Variants in ADGRL2 observed in about 807,000 individuals in gnomAD.
ADGRL2 encodes calcium-independent alpha-latrotoxin receptor 2.
A neutral mutation model predicts 157.4 loss-of-function variants in ADGRL2; 44 were observed. The ratio of observed to expected loss-of-function variants is 0.28; its 90% CI spans 0.22 to 0.36. The LOEUF (loss-of-function observed/expected upper bound fraction) is 0.36, where lower values mean the gene tolerates loss of function less well. ADGRL2 is among the 10% of genes least tolerant of loss of function. ADGRL2 has a pLI of 1.00. For missense variants in ADGRL2, 1,510 were observed against 1,768.9 expected (o/e 0.85, Z 2.63); for synonymous variants, 585 against 624.7 (o/e 0.94, Z 0.95).
At chr1:81,404,001 G>T (rs12140942) in intron 1 of ADGRL2, among the ~76,000 whole-genome samples, 63,615 of 151,296 alleles carry the variant, frequency 0.42, 14,660 homozygotes, top group East Asian at 0.6. Flanking sequence ...TTTTGCCATG[G>T]TGGCCAGGTT....
chr1:81,916,327 T>G (rs1202706277), intron 3 of ADGRL2, among the ~76,000 whole-genome samples: 1 of 152,148 alleles, frequency 6.6e-6, no homozygotes, highest in African/African-American at 2.4e-5. Flanking sequence ...ATATAAAAAT[T>G]TTGCTTACAA....
chr1:81,789,706 A>G (rs922366844), intron 2 of ADGRL2, among the ~76,000 whole-genome samples: 1 of 151,102 alleles, frequency 6.6e-6, no homozygotes, highest in Non-Finnish European at 1.5e-5. Context: ...CGTCTCAAAA[A>G]AAAAAAAAAA....
At chr1:81,780,553 T>C (rs1422700297) in intron 2 of ADGRL2, among the ~76,000 whole-genome samples, 1 of 152,190 alleles carries the variant, frequency 6.6e-6, no homozygotes, top group Non-Finnish European at 1.5e-5. Flanking sequence ...GACTGCAAGA[T>C]AGGGTTCTTT....
In ADGRL2 at chr1:81,746,955, T is replaced by TACAC. The variant is rs1557615439; in HGVS notation, c.-142-14854_-142-14853insACAC. Among the ~76,000 whole-genome samples the TACAC allele has an allele frequency of 5.4e-5, 8 of 147,370 alleles. No homozygotes were observed. The East Asian group carries it at 1.6e-3, about 29-fold the overall frequency. ...ACACACGTATACACATGTATGTATA[T>TACAC]ACGTATATACACACGTATACACACG... On this transcript the variant is annotated intron_variant, in intron 1 of 20. Coordinates refer to the ADGRL2 transcript ENST00000359929.
At chr1:81,393,355 G>GGAA (rs2076593993) in intron 1 of ADGRL2, among the ~76,000 whole-genome samples, 1 of 121,248 alleles carries the variant, frequency 8.2e-6, no homozygotes, top group South Asian at 2.5e-4. Context: ...CATGCCCCAG[G>GGAA]GAAAAAAAAA....
intron 1 of ADGRL2, among the ~76,000 whole-genome samples, chr1:81,382,184 CT>C (rs2076355314): frequency 6.6e-6 from 1 of 152,122 alleles, no homozygotes; most frequent in Non-Finnish European, 1.5e-5. Context: ...GGGAGTTAGT[CT>C]GTTGTTCACT....
At chr1:81,978,916 CT>C (rs1040698543) in intron 17 of ADGRL2, among the ~76,000 whole-genome samples, 3 of 151,364 alleles carry the variant, frequency 2.0e-5, no homozygotes, top group African/African-American at 7.3e-5. Flanking sequence ...CACAAAATGA[CT>C]TTTTTTTCCT....
Position 81,570,454 on chromosome 1 carries a change from T to C in ADGRL2, c.-247-10422T>C, listed in dbSNP as rs1487398567. ...AGGCTGGAGTGGTGCAGTGGCATGA[T>C]CTCTGATCACTGCAACCGCTGCCTC... On this transcript the variant is annotated intron_variant, in intron 2 of 24. Coordinates refer to the ADGRL2 transcript ENST00000370721. Among the ~76,000 whole-genome samples the C allele has an allele frequency of 3.3e-5, 5 of 152,322 alleles. No homozygotes were observed. In the East Asian group the frequency reaches 9.7e-4, roughly 29 times the overall value.
rs190395990 is a variant in ADGRL2, at chr1:81,742,660, G to T, written c.-142-19151G>T. 2.4e-3 allele frequency among the ~76,000 whole-genome samples: 360 copies of T among 152,152 alleles called. 1 individual carries two copies. The highest frequency in any genetic ancestry group is 8.3e-3 in the African/African-American group (343 of 41,554). ...ACTCCAGAAAAGAGACATTTTTCCT[G>T]TTGTGATTGTTATTATCATTCCAGC... On this transcript the variant is annotated intron_variant, in intron 1 of 20. Coordinates refer to the ADGRL2 transcript ENST00000359929.
chr1:81,693,283 C>T lies in ADGRL2; in HGVS notation c.-142-68528C>T, dbSNP rs1186273556. On this transcript the variant is annotated intron_variant, in intron 3 of 24. Coordinates refer to the ADGRL2 transcript ENST00000370721. ...TCCCGTCTCCCGACTAAACCTGAGT[C>T]CTAGTGCTCCACTTAAAGTTCCCCT... 2.0e-5 allele frequency among the ~76,000 whole-genome samples: 3 copies of T among 152,314 alleles called. No homozygotes were observed. The East Asian group carries it at 5.8e-4, about 29-fold the overall frequency.
intron 3 of ADGRL2, among the ~76,000 whole-genome samples, chr1:81,910,276 C>A (rs895058226): frequency 4.3e-3 from 412 of 96,246 alleles, no homozygotes; most frequent in East Asian, 0.02. Context: ...AATAATAATA[C>A]TACAATTGAG....
intron 1 of ADGRL2, among the ~76,000 whole-genome samples, chr1:81,421,089 C>T (rs956226489): frequency 6.6e-6 from 1 of 152,144 alleles, no homozygotes; most frequent in Admixed American, 6.5e-5. Context: ...CACAGTGGAA[C>T]TAAAGCTCAA....
chr1:81,350,133 TGATTTTA>T (rs1241114979), intron 1 of ADGRL2, among the ~76,000 whole-genome samples: 2 of 152,168 alleles, frequency 1.3e-5, no homozygotes, highest in Non-Finnish European at 2.9e-5. Flanking sequence ...GAGTTGATTG[TGATTTTA>T]GGGATGAATT....
intron 1 of ADGRL2, among the ~76,000 whole-genome samples, chr1:81,714,851 G>GT (rs35230661): frequency 0.1 from 15,213 of 145,134 alleles, 818 homozygotes; most frequent in South Asian, 0.2. Flanking sequence ...GGCATGTTTT[G>GT]TTTTTTTTTT....
intron 3 of ADGRL2, among the ~76,000 whole-genome samples, chr1:81,691,023 A>G (rs1291170618): frequency 2.0e-5 from 3 of 152,194 alleles, no homozygotes; most frequent in East Asian, 1.9e-4. Context: ...AATTTATGAG[A>G]TTCGTATGAG....
chr1:81,905,118 T>C (rs1418340839), intron 2 of ADGRL2, among the ~76,000 whole-genome samples: 2 of 151,382 alleles, frequency 1.3e-5, no homozygotes, highest in African/African-American at 4.9e-5. Flanking sequence ...TTTTTTGAGA[T>C]GGGAGTTTGG....
chr1:81,898,435 T>G (rs895277990), intron 2 of ADGRL2, among the ~76,000 whole-genome samples: 4 of 152,164 alleles, frequency 2.6e-5, no homozygotes, highest in Non-Finnish European at 5.9e-5. Context: ...GTGTCGTAGT[T>G]TAGGTTTGTA....
chr1:81,377,220 T>C (rs1013317749), intron 1 of ADGRL2, among the ~76,000 whole-genome samples: 3 of 102,156 alleles, frequency 2.9e-5, no homozygotes, highest in Non-Finnish European at 6.2e-5. Context: ...AAGAAACAAA[T>C]AGCATTTCTA....
At chr1:81,729,684 A>T (rs2084655154) in intron 1 of ADGRL2, among the ~76,000 whole-genome samples, 1 of 152,218 alleles carries the variant, frequency 6.6e-6, no homozygotes, top group Non-Finnish European at 1.5e-5. Flanking sequence ...TTTCTCATTT[A>T]ACTGATTTCT....
Sources: gnomAD v4.1 joint callset for allele counts (sites outside exome capture counted in the v4.1 genomes callset) on GRCh38, gnomAD v4.1.1 for gene constraint, MANE v1.5 for transcripts, NCBI Gene and HGNC (gene_info 2026-07-23, HGNC 2026-07-21) for gene names.